Variants in CPEB2 observed in about 807,000 individuals in gnomAD.
The protein encoded by CPEB2 is cytoplasmic polyadenylation element-binding protein 2.
CPEB2 carries 56 observed loss-of-function variants against 93.6 expected under a neutral mutation model. That is an observed-to-expected ratio of 0.60 (90% confidence interval 0.48 to 0.75). The LOEUF (loss-of-function observed/expected upper bound fraction) is 0.75. Ranked by LOEUF, CPEB2 falls within the 30% of genes least tolerant of loss-of-function variation. The pLI is 0.00. For missense variants in CPEB2, 1,579 were observed against 1,395.1 expected, an observed-to-expected ratio of 1.13 and a Z score of -2.10; for synonymous variants, 764 against 586.3, an observed-to-expected ratio of 1.30 and a Z score of -4.38.
Position 15,003,660 on chromosome 4 carries a change from G to T in CPEB2, c.987G>T (p.Leu329=). The change falls in exon 1 of 12, where the codon CTG becomes CTT. Residue 329 remains leucine (L), a synonymous_variant. Transcript: ENST00000538197. ...TGCTCAACAGTCCCAGTAACCTCCT[G>T]CCCGGAGGTGCGCTTGGCGCGGGCG... ...HPLLNSPSNL[L]PGGALGAGAF... The T allele has an allele frequency of 1.4e-6, 2 of 1,471,170 alleles. No homozygotes were observed. Among genetic ancestry groups the T allele is most frequent in the South Asian group, 1.3e-5 (1 of 78,280 alleles). 91.1% of individuals were successfully genotyped at this position (1,471,170 alleles called of 1,614,324 possible). A position where few individuals can be genotyped will look rare whatever the true frequency, so the allele number is the denominator to read the frequency against.
intron 4 of CPEB2, among the ~76,000 whole-genome samples, chr4:15,019,439 A>G (rs1387473525): frequency 1.3e-5 from 2 of 151,774 alleles, no homozygotes; most frequent in African/African-American, 4.8e-5. Flanking sequence ...CCTCAGTAGA[A>G]TCTTCTAAAT....
At position 15,009,303 on chromosome 4, in the gene CPEB2, G is replaced by A. The variant is rs570207598; in HGVS notation, c.2034+876G>A. Among the ~76,000 whole-genome samples, 6 of 152,256 alleles carry A rather than the reference G, an allele frequency of 3.9e-5. No homozygotes were observed. In the South Asian group the frequency reaches 1.2e-3, roughly 32 times the overall value. ...AAGGACATAAACAGATTAATAATAC[G>A]TTTGTAAGTAACATTCTAATCTAGA... is the stretch of plus-strand genomic sequence containing the variant. On this transcript the variant is annotated intron_variant, in intron 3 of 11. Coordinates refer to ENST00000538197, the MANE Select transcript of CPEB2 (RefSeq NM_001177382.2).
chr4:15,020,574 G>T (rs374042181), intron 4 of CPEB2, among the ~76,000 whole-genome samples: 9 of 152,230 alleles, frequency 5.9e-5, no homozygotes, highest in African/African-American at 2.2e-4. Context: ...CAGGACAGTA[G>T]GGAACCTCCA....
At chr4:15,028,893 T>C (rs1173895060) in intron 4 of CPEB2, among the ~76,000 whole-genome samples, 3 of 152,168 alleles carry the variant, frequency 2.0e-5, no homozygotes, top group African/African-American at 7.2e-5. Flanking sequence ...ATAAGTTTTA[T>C]ACAGTTGTCA....
chr4:15,060,644 G>A (rs1729101687), intron 10 of CPEB2, among the ~76,000 whole-genome samples: 1 of 152,028 alleles, frequency 6.6e-6, no homozygotes, highest in Non-Finnish European at 1.5e-5. Flanking sequence ...TTGTGGTCTT[G>A]GTTTTGAACA....
At chr4:15,057,597 G>A (rs1728833520) in intron 8 of CPEB2, among the ~76,000 whole-genome samples, 1 of 152,148 alleles carries the variant, frequency 6.6e-6, no homozygotes, top group African/African-American at 2.4e-5. Context: ...TAGTAAACTT[G>A]CAGTGTAAAT....
At chr4:15,017,925 C>G (rs144678442) in intron 4 of CPEB2, 10 of 151,756 alleles carry the variant, frequency 6.6e-5, no homozygotes, top group Non-Finnish European at 1.3e-4. Context: ...TATTTTTATA[C>G]AATATATCAC....
rs1343690030 is a variant in CPEB2 at position 15,003,387 on chromosome 4, C to G, written c.714C>G (p.Leu238=). 1 of 1,376,784 alleles carries G rather than the reference C, an allele frequency of 7.3e-7. No homozygotes were observed. The highest frequency in any genetic ancestry group is 1.5e-5 in the African/African-American group (1 of 65,360). The allele number at this position is 1,376,784 out of a possible 1,614,324, so 85.3% of individuals were successfully genotyped here. A position where few individuals can be genotyped will look rare whatever the true frequency, so the allele number is the denominator to read the frequency against. ...AACAGCCGCCGCAGCAGTTCAGCCTCCTGCATCAGCAGCACCTCTCGCCGC... is the reference window on the plus strand; with the variant it reads ...AACAGCCGCCGCAGCAGTTCAGCCTGCTGCATCAGCAGCACCTCTCGCCGC... ...QQQQPPQQFS[L]LHQQHLSPQD... is the part of the protein sequence containing the mutation. Residue 238 remains leucine (L), a synonymous_variant, in exon 1 of 12, where the codon CTC becomes CTG. Coordinates refer to ENST00000538197, the MANE Select transcript of CPEB2 (RefSeq NM_001177382.2).
chr4:15,033,990 G>A (rs1326394532), intron 5 of CPEB2, among the ~76,000 whole-genome samples: 1 of 152,176 alleles, frequency 6.6e-6, no homozygotes, highest in Non-Finnish European at 1.5e-5. Flanking sequence ...AAATAAGATG[G>A]CAATGAAGTT....
intron 4 of CPEB2, among the ~76,000 whole-genome samples, chr4:15,025,765 T>C (rs999998061): frequency 4.1e-4 from 62 of 151,350 alleles, no homozygotes; most frequent in African/African-American, 1.4e-3. Context: ...AGGTGTGTAC[T>C]ACAGTAAATG....
chr4:15,054,894 A>G (rs1264713421), intron 8 of CPEB2, among the ~76,000 whole-genome samples: 1 of 152,164 alleles, frequency 6.6e-6, no homozygotes, highest in African/African-American at 2.4e-5. Context: ...AAAAGAGGGG[A>G]GGTTCAAAGA....
chr4:15,046,070 C>G (rs983411341), intron 6 of CPEB2, among the ~76,000 whole-genome samples: 2 of 152,040 alleles, frequency 1.3e-5, no homozygotes, highest in Admixed American at 1.3e-4. Flanking sequence ...TATTTTTGTA[C>G]CTTTTTGTAT....
In CPEB2 at chr4:15,066,457, C is replaced by G; in HGVS notation, c.*77C>G. On this transcript the variant is annotated 3_prime_UTR_variant, in exon 12 of 12. Coordinates refer to ENST00000538197, the MANE Select transcript of CPEB2 (RefSeq NM_001177382.2). ...TACTGTGTCTGAAGATACTGACATGCAGAAGAAATAAGTGCATTCTTCTGC... is the reference window on the plus strand; with the variant it reads ...TACTGTGTCTGAAGATACTGACATGGAGAAGAAATAAGTGCATTCTTCTGC... 9.5e-7 allele frequency: 1 copy of G among 1,049,166 alleles called. No individual in the cohort carries two copies. Among genetic ancestry groups the G allele is most frequent in the Non-Finnish European group, 1.4e-6 (1 of 697,686 alleles). 65.0% of individuals were successfully genotyped at this position (1,049,166 alleles called of 1,614,324 possible).
Position 15,002,801 on chromosome 4 carries a change from C to A in CPEB2, c.128C>A (p.Thr43Lys), listed in dbSNP as rs1046187927. The A allele has an allele frequency of 6.5e-7, 1 of 1,535,550 alleles. No homozygotes were observed. The highest frequency in any genetic ancestry group is 8.7e-7 in the Non-Finnish European group (1 of 1,146,668). The change falls in exon 1 of 12, where the codon ACG (threonine) becomes AAG (lysine). Residue 43 changes from threonine to lysine, a missense_variant. Around this residue, in one of 2 missense-constraint regions of CPEB2, gnomAD observed 1,411 missense variants for 1,056.0 expected, o/e 1.34. Coordinates refer to ENST00000538197, the MANE Select transcript of CPEB2 (RefSeq NM_001177382.2). Reference sequence around the variant, plus strand: ...TCCGTCAACCCGCTGCCCTCCGCCACGCCCTTCGGCCCACTGTCGCCACCA... The same window carrying A: ...TCCGTCAACCCGCTGCCCTCCGCCAAGCCCTTCGGCCCACTGTCGCCACCA... ...VGSVNPLPSA[T>K]PFGPLSPPPL...
At chr4:15,021,801 C>G (rs1259265647) in intron 4 of CPEB2, among the ~76,000 whole-genome samples, 1 of 151,956 alleles carries the variant, frequency 6.6e-6, no homozygotes, top group Admixed American at 6.6e-5. Flanking sequence ...TTTTGTATAT[C>G]TAGTGTCATT....
intron 4 of CPEB2, among the ~76,000 whole-genome samples, chr4:15,031,634 C>A (rs568059190): frequency 6.6e-6 from 1 of 152,058 alleles, no homozygotes; most frequent in Non-Finnish European, 1.5e-5. Flanking sequence ...GTAGATAATC[C>A]TTTTGATAAC....
chr4:15,003,363 ACAGCCGCCGCAGCAGTT>A lies in CPEB2; in HGVS notation c.696_712del (p.Gln234AlafsTer88). On this transcript the variant is annotated frameshift_variant, in exon 1 of 12. Transcript: ENST00000538197. LOFTEE classifies it high-confidence loss of function. Reference sequence around the variant, plus strand: ...CGCAGCTCGCTCAGCGCCAGCAGCAACAGCCGCCGCAGCAGTTCAGCCTCCTGCATCAGCAGCACCTC... The same window carrying A: ...CGCAGCTCGCTCAGCGCCAGCAGCAACAGCCTCCTGCATCAGCAGCACCTC... The A allele has an allele frequency of 1.4e-6, 2 of 1,386,626 alleles. No individual in the cohort carries two copies. Among genetic ancestry groups the A allele is most frequent in the Non-Finnish European group, 1.8e-6 (2 of 1,083,288 alleles). The allele number at this position is 1,386,626 out of a possible 1,614,324, so 85.9% of individuals were successfully genotyped here.
Position 15,003,231 on chromosome 4 carries a change from C to G in CPEB2, c.558C>G (p.His186Gln). 2 of 1,529,504 alleles carry G rather than the reference C, an allele frequency of 1.3e-6. No homozygotes were observed. The highest frequency in any genetic ancestry group is 1.7e-6 in the Non-Finnish European group (2 of 1,144,548). 94.7% of individuals were successfully genotyped at this position (1,529,504 alleles called of 1,614,324 possible). Residue 186 changes from histidine to glutamine, a missense_variant, in exon 1 of 12, where the codon CAC becomes CAG. Physicochemically the swap from His to Gln is conservative, Grantham distance 24 (BLOSUM62 0). This residue lies in a region of CPEB2 where 1,411 missense variants were observed against 1,056.0 expected (regional missense o/e 1.34). Coordinates refer to ENST00000538197, the MANE Select transcript of CPEB2 (RefSeq NM_001177382.2). ...SQKRKEFSPP[H>Q]LPHPPDSKPP... is the part of the protein sequence containing the mutation. ...AGAGGAAAGAGTTCAGCCCTCCCCA[C>G]CTTCCCCACCCTCCGGACTCGAAGC...
Position 15,066,744 on chromosome 4 carries a change from T to C in CPEB2, c.*364T>C, listed in dbSNP as rs1729731419. On this transcript the variant is annotated 3_prime_UTR_variant, in exon 12 of 12. Coordinates refer to ENST00000538197, the MANE Select transcript of CPEB2 (RefSeq NM_001177382.2). ...TGCACTTATTTCTAAACATGGGTTT[T>C]TAACTTCAAGATCTGCCCCAGTAAT... The C allele has an allele frequency of 5.5e-6, 1 of 182,922 alleles. No homozygotes were observed. 11.3% of individuals were successfully genotyped at this position (182,922 alleles called of 1,614,324 possible).
Sources: allele counts gnomAD v4.1 joint callset (sites outside exome capture counted in the v4.1 genomes callset), GRCh38; gene constraint gnomAD v4.1.1; regional missense constraint gnomAD v4.1.1; transcripts MANE v1.5; gene names NCBI Gene and HGNC (gene_info 2026-07-23, HGNC 2026-07-21).